Variants in BORA observed in about 807,000 individuals in gnomAD.
BORA encodes protein aurora borealis.
BORA carries 26 observed loss-of-function variants against 55.8 expected under a neutral mutation model. The ratio of observed to expected loss-of-function variants is 0.47; its 90% CI spans 0.34 to 0.65. The LOEUF (loss-of-function observed/expected upper bound fraction) is 0.65, where lower values mean the gene tolerates loss of function less well. BORA is among the 30% of genes least tolerant of loss of function. BORA has a pLI of 0.01. For synonymous variants in BORA, 201 were observed against 216.9 expected, an observed-to-expected ratio of 0.93 and a Z score of 0.64; for missense variants, 568 against 671.5, an observed-to-expected ratio of 0.85 and a Z score of 1.70.
chr13:72,727,926 G>T lies in BORA; in HGVS notation c.-97G>T. Reference sequence around the variant, plus strand: ...GACAGCGCGGAAGCGGGGAGTTAAAGAGTCTATGCCTGTCGTGGAAGCTGG... The same window carrying T: ...GACAGCGCGGAAGCGGGGAGTTAAATAGTCTATGCCTGTCGTGGAAGCTGG... On this transcript the variant is annotated 5_prime_UTR_variant, in exon 1 of 12. Coordinates refer to ENST00000390667, the MANE Select transcript of BORA (RefSeq NM_024808.5). 6.4e-7 allele frequency: 1 copy of T among 1,550,664 alleles called. No individual in the cohort carries two copies. Among genetic ancestry groups the T allele is most frequent in the East Asian group, 2.4e-5 (1 of 40,906 alleles).
rs1172303707 is a variant in BORA at position 72,746,054 on chromosome 13, G to C, written c.849G>C (p.Gln283His). 1 of 1,611,250 alleles carries C rather than the reference G, an allele frequency of 6.2e-7. No individual in the cohort carries two copies. Among genetic ancestry groups the C allele is most frequent in the African/African-American group, 1.3e-5 (1 of 74,804 alleles). ...SSPTFSPIEF[Q>H]IGETPLSEQR... ...CCACTTTCTCACCAATTGAATTTCA[G>C]ATAGGAGAGACTCCACTCTCAGGTA... is the stretch of plus-strand genomic sequence containing the variant. The change falls in exon 9 of 12, where the codon CAG becomes CAC. Residue 283 changes from glutamine (Q) to histidine (H), a missense_variant. Gln to His is a conservative substitution (Grantham distance 24, BLOSUM62 0). Transcript: ENST00000390667.
chr13:72,747,723 G>A (rs531513717), intron 10 of BORA, among the ~76,000 whole-genome samples: 18 of 152,082 alleles, frequency 1.2e-4, no homozygotes, highest in African/African-American at 4.3e-4. Flanking sequence ...TGTAGAGATA[G>A]GATTTAGCTA....
chr13:72,745,953 T>C lies in BORA; in HGVS notation c.748T>C (p.Ser250Pro), dbSNP rs756133758. 3.1e-6 allele frequency: 5 copies of C among 1,604,840 alleles called. No individual in the cohort carries two copies. Among genetic ancestry groups the C allele is most frequent in the Non-Finnish European group, 4.2e-6 (5 of 1,176,728 alleles). ...TTTAATTTTATTACAGGGGCAGTTTTCTTCTAGCCCTATTCAGGCTAGTGC... is the reference window on the plus strand; with the variant it reads ...TTTAATTTTATTACAGGGGCAGTTTCCTTCTAGCCCTATTCAGGCTAGTGC... ...PLQTPSSGQF[S>P]SSPIQASAKK... is the part of the protein sequence containing the mutation. The change falls in exon 9 of 12, where the codon TCT becomes CCT. Residue 250 changes from serine (S) to proline (P), a missense_variant. Physicochemically the swap from Ser to Pro is moderately conservative, Grantham distance 74 (BLOSUM62 -1). Transcript: ENST00000390667.
chr13:72,730,907 AAAAT>A (rs75076800), intron 2 of BORA, among the ~76,000 whole-genome samples: 10 of 55,070 alleles, frequency 1.8e-4, no homozygotes, highest in African/African-American at 4.0e-4. Context: ...AAAAAAAAAA[AAAAT>A]ACAAAAATTA....
chr13:72,746,035 T>C lies in BORA; in HGVS notation c.830T>C (p.Phe277Ser). ...CCTTCGCCTATTTCTTCACCCACTT[T>C]CTCACCAATTGAATTTCAGATAGGA... ...TSPSPISSPTFSPIEFQIGET... is the reference protein window; with the variant it reads ...TSPSPISSPTSSPIEFQIGET... Residue 277 changes from phenylalanine to serine, a missense_variant, in exon 9 of 12, where the codon TTC (phenylalanine) becomes TCC (serine). By Grantham distance (155) the Phe-to-Ser change is radical. Coordinates refer to ENST00000390667, the MANE Select transcript of BORA (RefSeq NM_024808.5). 6.2e-7 allele frequency: 1 copy of C among 1,612,620 alleles called. No individual in the cohort carries two copies. The highest frequency in any genetic ancestry group is 1.1e-5 in the South Asian group (1 of 91,040).
At chr13:72,748,789 T>C (rs548697558) in intron 10 of BORA, among the ~76,000 whole-genome samples, 4 of 152,208 alleles carry the variant, frequency 2.6e-5, no homozygotes, top group South Asian at 2.1e-4. Context: ...CAAAATACTT[T>C]TGTTGAAATA....
intron 10 of BORA, chr13:72,752,946 G>A (rs1057198448): frequency 9.2e-5 from 14 of 152,170 alleles, no homozygotes; most frequent in African/African-American, 3.1e-4. Context: ...ATGGAGCGTT[G>A]TGCAGTGAAC....
At chr13:72,735,684 A>T (rs972617357) in intron 4 of BORA, among the ~76,000 whole-genome samples, 2 of 152,104 alleles carry the variant, frequency 1.3e-5, no homozygotes, top group African/African-American at 4.8e-5. Context: ...ATCTCAGCCC[A>T]CTGCAGTCTC....
In BORA at chr13:72,746,015, G is replaced by A. The variant is rs764187952; in HGVS notation, c.810G>A (p.Ser270=). 2.0e-5 allele frequency: 33 copies of A among 1,612,324 alleles called. No individual in the cohort carries two copies. The highest frequency in any genetic ancestry group is 4.0e-5 in the African/African-American group (3 of 74,836). Residue 270 remains serine (S), a synonymous_variant, in exon 9 of 12, where the codon TCG becomes TCA. Coordinates refer to ENST00000390667, the MANE Select transcript of BORA (RefSeq NM_024808.5). ...GCTTGGGAAGCATAACTAGTCCTTCGCCTATTTCTTCACCCACTTTCTCAC... is the reference window on the plus strand; with the variant it reads ...GCTTGGGAAGCATAACTAGTCCTTCACCTATTTCTTCACCCACTTTCTCAC... ...KYSLGSITSP[S]PISSPTFSPI... is the part of the protein sequence containing the mutation.
chr13:72,744,573 A>T lies in BORA; in HGVS notation c.511+12A>T. The T allele has an allele frequency of 6.3e-7, 1 of 1,576,682 alleles. No individual in the cohort carries two copies. The highest frequency in any genetic ancestry group is 8.7e-7 in the Non-Finnish European group (1 of 1,150,968). On this transcript the variant is annotated intron_variant, in intron 7 of 11. Transcript: ENST00000390667. ...AGAAAATATATTAGGTAAATACTGTATTTGTTTAAACTTTTAATAACTTGA... is the reference window on the plus strand; with the variant it reads ...AGAAAATATATTAGGTAAATACTGTTTTTGTTTAAACTTTTAATAACTTGA...
Position 72,729,208 on chromosome 13 carries a change from A to T in BORA, c.153+115A>T, listed in dbSNP as rs186093796. 19 of 850,468 alleles carry T rather than the reference A, an allele frequency of 2.2e-5. No homozygotes were observed. The African/African-American group carries it at 3.2e-4, about 14-fold the overall frequency. 52.7% of individuals were successfully genotyped at this position (850,468 alleles called of 1,614,324 possible). On this transcript the variant is annotated intron_variant, in intron 2 of 11. Transcript: ENST00000390667. ...AAGGAGGAAATACATTATGGAGCAT[A>T]TATAGCTGCAATATACTTTTTTAAA...
At chr13:72,747,970 G>A (rs879883474) in intron 10 of BORA, among the ~76,000 whole-genome samples, 2 of 152,080 alleles carry the variant, frequency 1.3e-5, no homozygotes, top group East Asian at 1.9e-4. Flanking sequence ...TAACAGATAC[G>A]TATACTTCAT....
In BORA at chr13:72,729,108, A is replaced by C; in HGVS notation, c.153+15A>C. On this transcript the variant is annotated intron_variant, in intron 2 of 11. Coordinates refer to ENST00000390667, the MANE Select transcript of BORA (RefSeq NM_024808.5). ...CAAAATTACCAGTAAGTTATTCCTG[A>C]CTAGTGTTTACAACTAATTTTAAAT... 1.3e-6 allele frequency: 2 copies of C among 1,512,796 alleles called. No homozygotes were observed. Among genetic ancestry groups the C allele is most frequent in the Non-Finnish European group, 1.8e-6 (2 of 1,128,794 alleles). The allele number at this position is 1,512,796 out of a possible 1,614,324, so 93.7% of individuals were successfully genotyped here. A position where few individuals can be genotyped will look rare whatever the true frequency, so the allele number is the denominator to read the frequency against.
chr13:72,731,417 AAT>A, intron 3 of BORA, 30 bp downstream of exon 3: 1 of 1,417,836 alleles, frequency 7.1e-7, no homozygotes, highest in Non-Finnish European at 9.9e-7. Context: ...ACCTAAGTCT[AAT>A]AACACTCTCA....
chr13:72,733,389 A>G (rs9543104), intron 3 of BORA, among the ~76,000 whole-genome samples: 133,873 of 152,174 alleles, frequency 0.88, 61,018 homozygotes, highest in Non-Finnish European at 0.99. Context: ...GGCCACACCT[A>G]TACCTATATG....
At chr13:72,738,134 A>G in intron 5 of BORA, 91 bp downstream of exon 5, 1 of 775,560 alleles carries the variant, frequency 1.3e-6, no homozygotes, top group South Asian at 2.1e-5. Context: ...TCTGCTTTGT[A>G]AGAAGCTTGC....
chr13:72,744,687 C>T (rs1338212936), intron 7 of BORA, 126 bp downstream of exon 7: 13 of 719,668 alleles, frequency 1.8e-5, no homozygotes, highest in Non-Finnish European at 3.0e-5. Flanking sequence ...GGGAAACTGC[C>T]CTGAAATTTC....
At chr13:72,728,362 G>T in intron 1 of BORA, 1 of 601,264 alleles carries the variant, frequency 1.7e-6, no homozygotes, top group East Asian at 2.8e-5. Context: ...ATTTTTGGAG[G>T]AAAGGGGACC....
intron 5 of BORA, among the ~76,000 whole-genome samples, chr13:72,741,529 A>G (rs2033033281): frequency 6.6e-6 from 1 of 152,094 alleles, no homozygotes; most frequent in Non-Finnish European, 1.5e-5. Context: ...AACATTTCAA[A>G]TGTTATCTCC....
Sources: allele counts gnomAD v4.1 joint callset (sites outside exome capture counted in the v4.1 genomes callset), GRCh38; gene constraint gnomAD v4.1.1; transcripts MANE v1.5; gene names NCBI Gene and HGNC (gene_info 2026-07-23, HGNC 2026-07-21).